TENM3: variants seen among roughly 807,000 people sequenced by gnomAD.
TENM3 encodes the protein teneurin transmembrane protein 3.
TENM3 carries 63 observed loss-of-function variants against 255.1 expected under a neutral mutation model. The observed-to-expected ratio is 0.25, with a 90% CI of 0.20 to 0.30. The LOEUF (loss-of-function observed/expected upper bound fraction) is 0.30. Among genes scored for constraint, TENM3 ranks in the 10% least tolerant of loss-of-function variants. The probability of loss-of-function intolerance (pLI) is 1.00; values close to 1 mark genes in which losing one functional copy is unlikely to be tolerated. For synonymous variants in TENM3, 1,306 were observed against 1,322.3 expected (o/e 0.99, Z 0.27); for missense variants, 2,929 against 3,461.1 (o/e 0.85, Z 3.86).
the TENM3 span, among the ~76,000 whole-genome samples, chr4:181,673,494 A>G: frequency 6.6e-6 from 1 of 152,214 alleles, no homozygotes. Context: ...TTATCAATTT[A>G]GGAATCATAT....
chr4:181,762,769 T>G, the TENM3 span, among the ~76,000 whole-genome samples: 1 of 152,184 alleles, frequency 6.6e-6, no homozygotes, highest in Admixed American at 6.5e-5. Context: ...CAATCACTGT[T>G]GGAGTACAGC....
intron 3 of TENM3, among the ~76,000 whole-genome samples, chr4:182,456,304 T>C (rs1219128480): frequency 6.6e-6 from 1 of 152,220 alleles, no homozygotes; most frequent in Non-Finnish European, 1.5e-5. Flanking sequence ...GTTGTTATTG[T>C]AATGTATGAA....
At chr4:182,468,998 G>A (rs1303801222) in intron 3 of TENM3, among the ~76,000 whole-genome samples, 1 of 151,874 alleles carries the variant, frequency 6.6e-6, no homozygotes, top group Non-Finnish European at 1.5e-5. Flanking sequence ...ATCTCTATAT[G>A]GATTTAAAAC....
the TENM3 span, among the ~76,000 whole-genome samples, chr4:181,901,204 T>C: frequency 7.9e-5 from 12 of 152,204 alleles, no homozygotes; most frequent in Non-Finnish European, 1.5e-4. Context: ...TATGAGCCTG[T>C]CTGTCATGAT....
chr4:182,570,852 A>G (rs1176120107), intron 3 of TENM3, among the ~76,000 whole-genome samples: 1 of 151,908 alleles, frequency 6.6e-6, no homozygotes, highest in South Asian at 2.1e-4. Flanking sequence ...AAAACAAACA[A>G]ACTTAGAAAG....
At chr4:181,743,796 A>C in the TENM3 span, among the ~76,000 whole-genome samples, 1 of 152,244 alleles carries the variant, frequency 6.6e-6, no homozygotes, top group Admixed American at 6.5e-5. Context: ...GAGATGCCAT[A>C]ATCTGATGAA....
At chr4:181,816,297 C>T in the TENM3 span, among the ~76,000 whole-genome samples, 1 of 152,138 alleles carries the variant, frequency 6.6e-6, no homozygotes, top group Admixed American at 6.5e-5. Context: ...AATCAATCCT[C>T]ATTCCTCTAC....
At chr4:182,795,803 A>ATAT (rs1325904009) in intron 26 of TENM3, among the ~76,000 whole-genome samples, 9 of 152,228 alleles carry the variant, frequency 5.9e-5, no homozygotes, top group Non-Finnish European at 1.2e-4. Context: ...AGCATAAAAT[A>ATAT]TATTAGGTGA....
At chr4:182,056,740 T>C in the TENM3 span, among the ~76,000 whole-genome samples, 29 of 152,240 alleles carry the variant, frequency 1.9e-4, no homozygotes, top group African/African-American at 7.0e-4. Context: ...TTATCCACTG[T>C]TAATTCTTAG....
the TENM3 span, among the ~76,000 whole-genome samples, chr4:182,132,997 G>A: frequency 5.3e-5 from 8 of 152,186 alleles, no homozygotes; most frequent in African/African-American, 1.9e-4. Context: ...CACGTTGTCT[G>A]CAAGAAAACA....
At chr4:182,125,203 T>C in the TENM3 span, among the ~76,000 whole-genome samples, 1 of 150,526 alleles carries the variant, frequency 6.6e-6, no homozygotes, top group Non-Finnish European at 1.5e-5. Context: ...GCTGGGATGG[T>C]GAATCTTCCC....
intron 13 of TENM3, among the ~76,000 whole-genome samples, chr4:182,719,406 C>T (rs1200223825): frequency 4.6e-5 from 7 of 151,452 alleles, no homozygotes; most frequent in Admixed American, 2.0e-4. Context: ...GGACTATAGG[C>T]GCCCACCACC....
At chr4:182,734,847 G>A (rs546718376) in intron 16 of TENM3, among the ~76,000 whole-genome samples, 1 of 152,120 alleles carries the variant, frequency 6.6e-6, no homozygotes, top group South Asian at 2.1e-4. Context: ...TTTTGAAATA[G>A]AGAGGCAGCT....
At chr4:181,986,096 T>G in the TENM3 span, among the ~76,000 whole-genome samples, 1 of 152,110 alleles carries the variant, frequency 6.6e-6, no homozygotes, top group Non-Finnish European at 1.5e-5. Context: ...CCGTTTCTAT[T>G]AACTGCCTAA....
chr4:181,476,846 G>T, the TENM3 span, among the ~76,000 whole-genome samples: 1 of 152,284 alleles, frequency 6.6e-6, no homozygotes, highest in Middle Eastern at 3.4e-3. Flanking sequence ...GGAAGTTTGT[G>T]CAGAAGGACA....
chr4:182,631,579 G>C (rs1052754097), intron 5 of TENM3: 1 of 152,206 alleles, frequency 6.6e-6, no homozygotes, highest in Non-Finnish European at 1.5e-5. Context: ...AAGTGTGCAT[G>C]TAAAGCAGAG....
chr4:181,617,809 A>G, the TENM3 span, among the ~76,000 whole-genome samples: 3 of 152,226 alleles, frequency 2.0e-5, no homozygotes, highest in Non-Finnish European at 4.4e-5. Context: ...TGGATACCCT[A>G]CAACTTCGCA....
chr4:182,558,354 G>A (rs1742787451), intron 3 of TENM3, among the ~76,000 whole-genome samples: 1 of 152,138 alleles, frequency 6.6e-6, no homozygotes, highest in Admixed American at 6.5e-5. Flanking sequence ...CTAAGAATTT[G>A]TAGTGTTTTA....
intron 4 of TENM3, among the ~76,000 whole-genome samples, chr4:182,613,251 T>C (rs969929122): frequency 2.0e-5 from 3 of 152,362 alleles, no homozygotes; most frequent in South Asian, 2.1e-4. Flanking sequence ...GTAATTGATA[T>C]ATGAAAACAT....
Sources: allele counts gnomAD v4.1 joint callset (sites outside exome capture counted in the v4.1 genomes callset), GRCh38; gene constraint gnomAD v4.1.1; transcripts MANE v1.5; gene names NCBI Gene and HGNC (gene_info 2026-07-23, HGNC 2026-07-21).